Variants in URB1 observed in about 807,000 individuals in gnomAD.
URB1 encodes URB1 ribosome biogenesis factor, also known as nucleolar pre-ribosomal-associated protein 1.
Under a neutral mutation model 242.3 loss-of-function variants are expected in URB1, and 197 were observed. The ratio of observed to expected loss-of-function variants is 0.81; its 90% CI spans 0.72 to 0.91. The LOEUF is 0.91. URB1 is among the 40% of genes least tolerant of loss of function. The pLI, the probability that URB1 is intolerant of heterozygous loss-of-function variation, is 0.00. For synonymous variants in URB1, 1,153 were observed against 1,201.8 expected, an observed-to-expected ratio of 0.96 and a Z score of 0.84; for missense variants, 2,721 against 2,860.5, an observed-to-expected ratio of 0.95 and a Z score of 1.11.
chr21:32,351,335 C>T (rs1201485569), intron 19 of URB1, among the ~76,000 whole-genome samples: 1 of 152,106 alleles, frequency 6.6e-6, no homozygotes, highest in African/African-American at 2.4e-5. Flanking sequence ...AGCTGCGGGT[C>T]GAATATCTTG....
At chr21:32,379,040 C>T (rs905916064) in intron 4 of URB1, among the ~76,000 whole-genome samples, 32 of 152,220 alleles carry the variant, frequency 2.1e-4, no homozygotes, top group African/African-American at 7.7e-4. Flanking sequence ...TTAGCTCATA[C>T]CACAAACCAA....
At chr21:32,361,561 C>G (rs1163099851) in intron 12 of URB1, among the ~76,000 whole-genome samples, 1 of 146,866 alleles carries the variant, frequency 6.8e-6, no homozygotes, top group Non-Finnish European at 1.6e-5. Flanking sequence ...AACAACAAGG[C>G]TCTGAGCTCT....
rs1309891355 is a variant in URB1 at position 32,349,336 on chromosome 21, A to T, written c.2980T>A (p.Ser994Thr). The change falls in exon 21 of 39, where the codon TCC becomes ACC. Residue 994 changes from serine (S) to threonine (T), a missense_variant. Coordinates refer to ENST00000382751, the MANE Select transcript of URB1 (RefSeq NM_014825.3). ...TTGGCCAACTCCAGCGAGGCCACGG[A>T]CTCCATGTCCAGGAAGAGGTCGGCT... ...AEADLFLDME[S>T]VASLELANDQ... The T allele has an allele frequency of 1.3e-6, 2 of 1,549,532 alleles. No homozygotes were observed. The highest frequency in any genetic ancestry group is 2.4e-5 in the South Asian group (2 of 83,808).
intron 15 of URB1, among the ~76,000 whole-genome samples, chr21:32,356,364 C>T (rs540379488): frequency 3.3e-5 from 5 of 152,086 alleles, no homozygotes; most frequent in African/African-American, 9.7e-5. Flanking sequence ...TGCACAGCAG[C>T]GTGGATGACA....
intron 2 of URB1, among the ~76,000 whole-genome samples, chr21:32,384,938 G>A (rs574896859): frequency 5.3e-5 from 8 of 152,118 alleles, no homozygotes; most frequent in Non-Finnish European, 7.4e-5. Context: ...CCGAGACTGC[G>A]CCACTGCACT....
chr21:32,334,981 C>A (rs755820963), intron 28 of URB1, among the ~76,000 whole-genome samples: 1 of 152,160 alleles, frequency 6.6e-6, no homozygotes, highest in Non-Finnish European at 1.5e-5. Flanking sequence ...GCACTTCCCC[C>A]AACTCTCCTC....
In URB1 at chr21:32,383,465, T is replaced by A; in HGVS notation, c.524A>T (p.Asn175Ile). The A allele has an allele frequency of 6.4e-7, 1 of 1,551,630 alleles. No homozygotes were observed. Among genetic ancestry groups the A allele is most frequent in the Non-Finnish European group, 8.7e-7 (1 of 1,146,926 alleles). ...CACCAGGGTGTACAGGGTCTTTTTATTCAAATCAAAATGGCTGCAGACGTC... is the reference window on the plus strand; with the variant it reads ...CACCAGGGTGTACAGGGTCTTTTTAATCAAATCAAAATGGCTGCAGACGTC... ...ARDVCSHFDL[N>I]KKTLYTLVTK... Residue 175 changes from asparagine (N) to isoleucine (I), a missense_variant, in exon 4 of 39, where the codon AAT becomes ATT. Transcript: ENST00000382751.
rs867791584 is a variant in URB1 at position 32,316,448 on chromosome 21, C to A, written c.6634+18G>T. 1.4e-6 allele frequency: 2 copies of A among 1,473,978 alleles called. No individual in the cohort carries two copies. 91.3% of individuals were successfully genotyped at this position (1,473,978 alleles called of 1,614,324 possible). A position where few individuals can be genotyped will look rare whatever the true frequency, so the allele number is the denominator to read the frequency against. ...CTGCATCTATTTCTTCAGCCTCCAA[C>A]AAAAGAACCAGCCTTACCTTGTGTG... On this transcript the variant is annotated intron_variant, in intron 38 of 38. Coordinates refer to ENST00000382751, the MANE Select transcript of URB1 (RefSeq NM_014825.3).
intron 14 of URB1, among the ~76,000 whole-genome samples, chr21:32,359,278 T>C (rs743307): frequency 0.76 from 115,736 of 152,050 alleles, 45,012 homozygotes; most frequent in Non-Finnish European, 0.86. Flanking sequence ...CATAAATATA[T>C]GTGGCATCCT....
chr21:32,317,902 G>A lies in URB1; in HGVS notation c.5808C>T (p.Pro1936=), dbSNP rs761860736. The A allele has an allele frequency of 5.4e-5, 84 of 1,551,510 alleles. No individual in the cohort carries two copies. The highest frequency in any genetic ancestry group is 4.0e-4 in the African/African-American group (29 of 73,034). The part of the protein sequence containing the change: ...LMKHLRPTLA[P]VQLTNFFGTL... Reference sequence around the variant, plus strand: ...TCCCGAAGAAGTTGGTCAGCTGGACGGGGGCCAAGGTGGGCCTGTTTGGGA... The same window carrying A: ...TCCCGAAGAAGTTGGTCAGCTGGACAGGGGCCAAGGTGGGCCTGTTTGGGA... The change falls in exon 37 of 39, where the codon CCC becomes CCT. Residue 1936 remains proline, a synonymous_variant. Coordinates refer to ENST00000382751, the MANE Select transcript of URB1 (RefSeq NM_014825.3).
chr21:32,350,517 C>T (rs1340489663), intron 20 of URB1, among the ~76,000 whole-genome samples, 187 bp downstream of exon 20: 1 of 152,232 alleles, frequency 6.6e-6, no homozygotes, highest in Admixed American at 6.5e-5. Flanking sequence ...GCTGACCTGG[C>T]TCCCATGGGC....
At chr21:32,325,101 G>A in intron 31 of URB1, 128 bp downstream of exon 31, 5 of 1,226,606 alleles carry the variant, frequency 4.1e-6, no homozygotes, top group Non-Finnish European at 5.5e-6. Context: ...CTCTTCAGCA[G>A]AGATCTCCCG....
At chr21:32,327,495 A>ATAAGAC (rs1451797359) in intron 30 of URB1, among the ~76,000 whole-genome samples, 5 of 152,320 alleles carry the variant, frequency 3.3e-5, no homozygotes, top group African/African-American at 1.2e-4. Context: ...AGCTAAAACA[A>ATAAGAC]TTGGTCACCA....
intron 15 of URB1, among the ~76,000 whole-genome samples, chr21:32,356,630 AC>A (rs2033223984): frequency 6.6e-6 from 1 of 152,170 alleles, no homozygotes; most frequent in African/African-American, 2.4e-5. Flanking sequence ...TCAAATGCAG[AC>A]CTCAAGACTC....
chr21:32,348,208 A>G (rs1568819374), intron 21 of URB1, among the ~76,000 whole-genome samples: 1 of 152,168 alleles, frequency 6.6e-6, no homozygotes, highest in Non-Finnish European at 1.5e-5. Context: ...CCACCATGTG[A>G]GTAAGATCAA....
At chr21:32,349,931 C>A (rs1206239032) in intron 20 of URB1, among the ~76,000 whole-genome samples, 1 of 151,696 alleles carries the variant, frequency 6.6e-6, no homozygotes, top group Non-Finnish European at 1.5e-5. Flanking sequence ...CCCATCTCTA[C>A]TAAAAATACA....
Position 32,329,171 on chromosome 21 carries a change from G to A in URB1, c.4961-3782C>T, listed in dbSNP as rs1271578172. On this transcript the variant is annotated intron_variant, in intron 30 of 38. Transcript: ENST00000382751. ...CAGTCCTAGCTACTCAGGAGGCTGA[G>A]GCAGGAGGACGGCTTGAACAGGAGT... is the stretch of plus-strand genomic sequence containing the variant. Among the ~76,000 whole-genome samples the A allele has an allele frequency of 2.6e-5, 4 of 152,078 alleles. No homozygotes were observed. In the East Asian group the frequency reaches 7.7e-4, roughly 29 times the overall value.
intron 29 of URB1, 49 bp downstream of exon 29, chr21:32,334,114 T>G (rs2032926943): frequency 6.7e-7 from 1 of 1,484,468 alleles, no homozygotes; most frequent in African/African-American, 1.4e-5. Flanking sequence ...ATGGAGCCCC[T>G]GAGGCTGGGG....
At chr21:32,381,281 T>C (rs1041893251) in intron 4 of URB1, among the ~76,000 whole-genome samples, 2 of 152,172 alleles carry the variant, frequency 1.3e-5, no homozygotes, top group African/African-American at 4.8e-5. Flanking sequence ...AAACACTGTC[T>C]AAAACAGACC....
Sources: gnomAD v4.1 joint callset for allele counts (sites outside exome capture counted in the v4.1 genomes callset) on GRCh38, gnomAD v4.1.1 for gene constraint, MANE v1.5 for transcripts, NCBI Gene and HGNC (gene_info 2026-07-23, HGNC 2026-07-21) for gene names.